Variants in VWA3B observed in about 807,000 individuals in gnomAD.
VWA3B encodes the protein von Willebrand factor A domain-containing protein 3B.
Under a neutral mutation model 158.3 loss-of-function variants are expected in VWA3B, and 138 were observed. The observed-to-expected ratio is 0.87, with a 90% confidence interval of 0.76 to 1.00. The LOEUF is 1.00. Among genes scored for constraint, VWA3B ranks in the 50% least tolerant of loss-of-function variants. The pLI is 0.00. For synonymous variants in VWA3B, 596 were observed against 587.3 expected, an observed-to-expected ratio of 1.01 and a Z score of -0.21; for missense variants, 1,555 against 1,565.1, an observed-to-expected ratio of 0.99 and a Z score of 0.11.
chr2:98,110,025 A>G (rs977216680), intron 2 of VWA3B, among the ~76,000 whole-genome samples: 1 of 149,452 alleles, frequency 6.7e-6, no homozygotes, highest in African/African-American at 2.5e-5. Flanking sequence ...CTGTTGCTTT[A>G]TGTTTTTTGT....
At chr2:98,153,290 G>A (rs1400810348) in intron 7 of VWA3B, among the ~76,000 whole-genome samples, 1 of 152,198 alleles carries the variant, frequency 6.6e-6, no homozygotes, top group African/African-American at 2.4e-5. Context: ...GTTTTTCTGA[G>A]AGTAGTTTTG....
rs770368297 is a variant in VWA3B, at chr2:98,093,121, T to G, written c.29T>G (p.Ile10Ser). Residue 10 changes from isoleucine to serine, a missense_variant, in exon 2 of 28, where the codon ATC becomes AGC. By Grantham distance (142) the Ile-to-Ser change is moderately radical. Transcript: ENST00000477737. MEKSGPSST[I>S]SEQQLQRQEG... ...GAGAAATCAGGCCCATCTTCTACCATCTCTGAGCAGCAGCTGCAGAGGCAA... is the reference window on the plus strand; with the variant it reads ...GAGAAATCAGGCCCATCTTCTACCAGCTCTGAGCAGCAGCTGCAGAGGCAA... The G allele has an allele frequency of 1.2e-6, 2 of 1,613,918 alleles. No individual in the cohort carries two copies. Among genetic ancestry groups the G allele is most frequent in the Admixed American group, 3.3e-5 (2 of 60,004 alleles).
chr2:98,112,562 A>G (rs1674224129), intron 2 of VWA3B, among the ~76,000 whole-genome samples: 1 of 151,622 alleles, frequency 6.6e-6, no homozygotes, highest in African/African-American at 2.4e-5. Context: ...CTTTTTTTCT[A>G]TAACTGCTTT....
rs62157896 is a variant in VWA3B at position 98,270,892 on chromosome 2, C to A, written c.3045+9C>A. On this transcript the variant is annotated intron_variant, in intron 22 of 27. Coordinates refer to ENST00000477737, the MANE Select transcript of VWA3B (RefSeq NM_144992.5). The stretch of plus-strand genomic sequence containing the variant: ...ACAAGGCCCCGGGAGAGGTGGGTGC[C>A]CTGGAGGTCTCTGTCTTTCCTCCCT... 90,567 of 1,612,652 alleles carry A rather than the reference C, an allele frequency of 0.056. 3,106 individuals are homozygous for A. Among genetic ancestry groups the A allele is most frequent in the Non-Finnish European group, 0.067 (79,147 of 1,179,136 alleles).
At chr2:98,214,170 A>G (rs1683776180) in intron 13 of VWA3B, among the ~76,000 whole-genome samples, 1 of 152,048 alleles carries the variant, frequency 6.6e-6, no homozygotes, top group Non-Finnish European at 1.5e-5. Flanking sequence ...CAGCCTGGGC[A>G]ACAGAGCGAG....
chr2:98,319,815 G>T, the VWA3B span, among the ~76,000 whole-genome samples: 5 of 151,924 alleles, frequency 3.3e-5, no homozygotes, highest in African/African-American at 1.2e-4. Context: ...GGTAGGCAGA[G>T]GTTGCAATGA....
chr2:98,140,910 T>TG (rs1676730910), intron 7 of VWA3B, among the ~76,000 whole-genome samples: 1 of 152,192 alleles, frequency 6.6e-6, no homozygotes, highest in Non-Finnish European at 1.5e-5. Flanking sequence ...ATTCTTGCCT[T>TG]GGGGTCTCAG....
intron 2 of VWA3B, among the ~76,000 whole-genome samples, chr2:98,094,273 G>T (rs530524977): frequency 5.9e-5 from 9 of 152,198 alleles, no homozygotes; most frequent in Non-Finnish European, 1.0e-4. Context: ...GTGTGTGTGG[G>T]TATCCTTTTC....
intron 13 of VWA3B, 31 bp downstream of exon 13, chr2:98,212,059 C>A (rs1380957024): frequency 6.3e-7 from 1 of 1,587,716 alleles, no homozygotes; most frequent in Non-Finnish European, 8.6e-7. Context: ...CAAAGAGGGC[C>A]TCACTGATGC....
chr2:98,163,434 A>C (rs945810363), intron 8 of VWA3B, among the ~76,000 whole-genome samples: 4 of 152,144 alleles, frequency 2.6e-5, no homozygotes, highest in Non-Finnish European at 4.4e-5. Context: ...GCTACTCAGG[A>C]GGCTGAGGCA....
At chr2:98,177,564 C>CTT (rs748180130) in intron 8 of VWA3B, among the ~76,000 whole-genome samples, 3 of 147,400 alleles carry the variant, frequency 2.0e-5, no homozygotes, top group African/African-American at 5.0e-5. Flanking sequence ...GATTTCCCTC[C>CTT]TTTTTTTTTT....
chr2:98,115,920 GA>G (rs144130388), intron 3 of VWA3B, among the ~76,000 whole-genome samples, 174 bp downstream of exon 3: 1,554 of 152,268 alleles, frequency 0.01, 41 homozygotes, highest in African/African-American at 0.036. Flanking sequence ...CATGGCCAAG[GA>G]AGGAAGTTTT....
In VWA3B at chr2:98,212,025, T is replaced by C. The variant is rs757973188; in HGVS notation, c.1833T>C (p.Asp611=). Residue 611 remains aspartate, a synonymous_variant, in exon 13 of 28, where the codon GAT becomes GAC. Transcript: ENST00000477737. ...ACCTTCTGACCGATGGGAGACCTGA[T>C]CAGGTACTTACCAGAGCTGGGAACA... The part of the protein sequence containing the change: ...AIYLLTDGRP[D]QPPETVIDQV... 3.7e-6 allele frequency: 6 copies of C among 1,613,916 alleles called. No individual in the cohort carries two copies. In the South Asian group the frequency reaches 6.6e-5, roughly 18 times the overall value.
chr2:98,142,099 C>A (rs934165455), intron 7 of VWA3B, among the ~76,000 whole-genome samples: 2 of 152,164 alleles, frequency 1.3e-5, no homozygotes, highest in South Asian at 4.1e-4. Context: ...AGTTTGGAGA[C>A]CCTAGGCAGT....
intron 7 of VWA3B, among the ~76,000 whole-genome samples, chr2:98,160,737 C>T (rs1047633519): frequency 2.6e-5 from 4 of 152,198 alleles, no homozygotes; most frequent in Non-Finnish European, 5.9e-5. Context: ...GCTTAAGGTT[C>T]GCATTTGGCA....
intron 9 of VWA3B, among the ~76,000 whole-genome samples, chr2:98,182,182 G>GC (rs908886923): frequency 4.0e-4 from 60 of 151,748 alleles, no homozygotes; most frequent in Admixed American, 1.0e-3. Flanking sequence ...GAAAATCAAG[G>GC]CCCCCCCCTC....
chr2:98,108,989 C>A (rs1374597450), intron 2 of VWA3B, among the ~76,000 whole-genome samples: 1 of 131,360 alleles, frequency 7.6e-6, no homozygotes, highest in Non-Finnish European at 1.6e-5. Flanking sequence ...TGTTTCTTTT[C>A]TTTTCTTTTT....
intron 6 of VWA3B, 69 bp from the exon 7 acceptor site, chr2:98,133,755 A>C: frequency 7.3e-7 from 1 of 1,362,692 alleles, no homozygotes; most frequent in Non-Finnish European, 1.0e-6. Context: ...GTTCAGTCCC[A>C]GGAGAAGGAA....
intron 24 of VWA3B, 78 bp from the exon 25 acceptor site, chr2:98,300,001 G>T (rs775767066): frequency 6.3e-7 from 1 of 1,575,968 alleles, no homozygotes; most frequent in Non-Finnish European, 8.7e-7. Flanking sequence ...TTGCCTTGGA[G>T]TATTTTAAAA....
Sources: allele counts gnomAD v4.1 joint callset (sites outside exome capture counted in the v4.1 genomes callset), GRCh38; gene constraint gnomAD v4.1.1; transcripts MANE v1.5; gene names NCBI Gene and HGNC (gene_info 2026-07-23, HGNC 2026-07-21).